NIPBL: variants seen among roughly 807,000 people sequenced by gnomAD.
NIPBL encodes the protein nipped-B-like protein.
Under a neutral mutation model 321.8 loss-of-function variants are expected in NIPBL, and 19 were observed. The observed-to-expected ratio is 0.06, with a 90% CI of 0.04 to 0.09. NIPBL has a LOEUF of 0.09. Among genes scored for constraint, NIPBL ranks in the 10% least tolerant of loss-of-function variants. The pLI is 1.00. For synonymous variants in NIPBL, 1,106 were observed against 1,114.1 expected (o/e 0.99, Z 0.14); for missense variants, 2,210 against 3,327.0 (o/e 0.66, Z 8.26).
chr5:37,024,573 T>G lies in NIPBL; in HGVS notation c.5575-12T>G. ...ATTTTTCTGACTCTTAAAAATACCT[T>G]TCTGTTTTTAGGATACTGGTATCAG... On this transcript the variant is annotated splice_polypyrimidine_tract_variant and intron_variant, in intron 29 of 46. Coordinates refer to ENST00000282516, the MANE Select transcript of NIPBL (RefSeq NM_133433.4). 1.9e-6 allele frequency: 3 copies of G among 1,594,694 alleles called. No individual in the cohort carries two copies. The South Asian group carries it at 3.3e-5, about 18-fold the overall frequency.
At chr5:36,945,297 TA>T in intron 1 of NIPBL, among the ~76,000 whole-genome samples, 1 of 152,314 alleles carries the variant, frequency 6.6e-6, no homozygotes, top group Non-Finnish European at 1.5e-5. Flanking sequence ...CAAATCCATT[TA>T]ACTGTATAAC....
intron 1 of NIPBL, among the ~76,000 whole-genome samples, chr5:36,918,828 T>G (rs1748689262): frequency 6.6e-6 from 1 of 152,200 alleles, no homozygotes; most frequent in South Asian, 2.1e-4. Context: ...GGATTACGTT[T>G]ATTGATTTTT....
In NIPBL at chr5:36,923,957, A is replaced by C. The variant is rs572332822; in HGVS notation, c.-79-29661A>C. Among the ~76,000 whole-genome samples, 4 of 152,326 alleles carry C rather than the reference A, an allele frequency of 2.6e-5. No homozygotes were observed. In the South Asian group the frequency reaches 8.3e-4, roughly 32 times the overall value. ...GTTAAGGATTATATTTGCAAGTTCCAAGTTATCTGTATTCTACTAATTGTC... is the reference window on the plus strand; with the variant it reads ...GTTAAGGATTATATTTGCAAGTTCCCAGTTATCTGTATTCTACTAATTGTC... On this transcript the variant is annotated intron_variant, in intron 1 of 46. Transcript: ENST00000282516.
At chr5:36,886,911 T>G (rs1745952107) in intron 1 of NIPBL, among the ~76,000 whole-genome samples, 1 of 152,070 alleles carries the variant, frequency 6.6e-6, no homozygotes, top group Non-Finnish European at 1.5e-5. Flanking sequence ...GCTTCTGAGA[T>G]TCATTCATGT....
At chr5:36,961,739 T>C (rs1741650603) in intron 5 of NIPBL, among the ~76,000 whole-genome samples, 156 bp downstream of exon 5, 1 of 152,224 alleles carries the variant, frequency 6.6e-6, no homozygotes. Flanking sequence ...CTTAAAATGT[T>C]GTATATGGAA....
chr5:36,962,335 T>C, intron 6 of NIPBL, 61 bp downstream of exon 6: 1 of 1,579,482 alleles, frequency 6.3e-7, no homozygotes, highest in Non-Finnish European at 8.7e-7. Context: ...CAAGCAAATT[T>C]GTTTTTTAAA....
intron 1 of NIPBL, among the ~76,000 whole-genome samples, chr5:36,940,580 G>A (rs1451822929): frequency 1.3e-5 from 2 of 152,058 alleles, no homozygotes; most frequent in Non-Finnish European, 2.9e-5. Flanking sequence ...TCCTTAATGA[G>A]ACATTTCCTC....
chr5:36,956,239 A>G (rs1740930784), intron 3 of NIPBL, among the ~76,000 whole-genome samples: 1 of 152,096 alleles, frequency 6.6e-6, no homozygotes, highest in Non-Finnish European at 1.5e-5. Flanking sequence ...GGGGAAAAAA[A>G]AAATTATTTT....
intron 42 of NIPBL, 107 bp from the exon 43 acceptor site, chr5:37,057,079 T>G: frequency 1.9e-6 from 2 of 1,064,986 alleles, no homozygotes; most frequent in Non-Finnish European, 2.8e-6. Context: ...TATCTCTGTC[T>G]AACATTAAGT....
intron 21 of NIPBL, among the ~76,000 whole-genome samples, 187 bp downstream of exon 21, chr5:37,010,412 T>G (rs1363808745): frequency 6.6e-6 from 1 of 151,920 alleles, no homozygotes; most frequent in Non-Finnish European, 1.5e-5. Context: ...GCCTCCCGGG[T>G]TCAAGTGATT....
At chr5:37,033,730 ATTT>A (rs58081432) in intron 32 of NIPBL, among the ~76,000 whole-genome samples, 640 of 21,412 alleles carry the variant, frequency 0.03, 15 homozygotes, top group Middle Eastern at 0.067. Context: ...ATATATATAT[ATTT>A]TTTTTTTTTT....
chr5:36,894,900 G>T (rs528921054), intron 1 of NIPBL, among the ~76,000 whole-genome samples: 56 of 152,200 alleles, frequency 3.7e-4, no homozygotes, highest in Admixed American at 1.4e-3. Flanking sequence ...CAGTCTGCCT[G>T]TGGTGCTTGG....
intron 33 of NIPBL, among the ~76,000 whole-genome samples, chr5:37,037,365 G>A (rs1751810274): frequency 6.7e-6 from 1 of 149,714 alleles, no homozygotes; most frequent in Non-Finnish European, 1.5e-5. Context: ...TCCAGCCTGG[G>A]TGACAGAGGG....
intron 1 of NIPBL, among the ~76,000 whole-genome samples, chr5:36,881,033 AC>A (rs1206846894): frequency 6.6e-6 from 1 of 152,090 alleles, no homozygotes; most frequent in East Asian, 1.9e-4. Flanking sequence ...TGACACTGAC[AC>A]CATTTGTTAC....
rs574181890 is a variant in NIPBL, at chr5:36,939,952, C to T, written c.-79-13666C>T. On this transcript the variant is annotated intron_variant, in intron 1 of 46. Transcript: ENST00000282516. ...TCCAACAAATGAACTTTGGGGGACA[C>T]GGTCAAACCATAGCACGAATAAAGC... 6.6e-5 allele frequency among the ~76,000 whole-genome samples: 10 copies of T among 152,290 alleles called. No homozygotes were observed. In the South Asian group the frequency reaches 8.3e-4, roughly 13 times the overall value.
chr5:37,021,937 C>G (rs1749698122), intron 27 of NIPBL, 114 bp from the exon 28 acceptor site: 2 of 804,338 alleles, frequency 2.5e-6, no homozygotes, highest in Admixed American at 4.2e-5. Flanking sequence ...CATTTATATA[C>G]AGATTAAAGA....
chr5:36,955,467 A>T lies in NIPBL; in HGVS notation c.65-5A>T. On this transcript the variant is annotated splice_region_variant and splice_polypyrimidine_tract_variant and intron_variant, in intron 2 of 46. Transcript: ENST00000282516. ...TTTCTAATAATCTGATTTTATTCCA[A>T]ATAGTCCTGAACCAGCTGCCTCTTC... is the stretch of plus-strand genomic sequence containing the variant. 1.9e-6 allele frequency: 3 copies of T among 1,612,524 alleles called. No homozygotes were observed. The highest frequency in any genetic ancestry group is 1.7e-6 in the Non-Finnish European group (2 of 1,178,650).
chr5:37,061,228 A>G (rs1422322043), intron 45 of NIPBL, among the ~76,000 whole-genome samples: 1 of 152,164 alleles, frequency 6.6e-6, no homozygotes, highest in Non-Finnish European at 1.5e-5. Flanking sequence ...TTTTCTTAGG[A>G]AACAGCAGCC....
chr5:36,960,332 CCT>C (rs1318712250), intron 4 of NIPBL, among the ~76,000 whole-genome samples: 1 of 151,268 alleles, frequency 6.6e-6, no homozygotes, highest in Admixed American at 6.6e-5. Flanking sequence ...CTTTTTAACT[CCT>C]GTCTCATTGA....
Sources: allele counts gnomAD v4.1 joint callset (sites outside exome capture counted in the v4.1 genomes callset), GRCh38; gene constraint gnomAD v4.1.1; transcripts MANE v1.5; gene names NCBI Gene and HGNC (gene_info 2026-07-23, HGNC 2026-07-21).